RAD51B: variants seen among roughly 807,000 people sequenced by gnomAD.
RAD51B encodes the protein RAD51 paralog B.
A neutral mutation model predicts 42.2 loss-of-function variants in RAD51B; 38 were observed. The observed-to-expected ratio is 0.90, with a 90% CI of 0.70 to 1.18. RAD51B has a LOEUF of 1.18. Ranked by LOEUF, RAD51B falls within the 50% of genes most tolerant of loss-of-function variation. The pLI, the probability that RAD51B is intolerant of heterozygous loss-of-function variation, is 0.00. For synonymous variants in RAD51B, 154 were observed against 145.2 expected (o/e 1.06, Z -0.43); for missense variants, 373 against 400.7 (o/e 0.93, Z 0.59).
intron 7 of RAD51B, among the ~76,000 whole-genome samples, chr14:68,254,941 T>C (rs1282012018): frequency 3.3e-5 from 5 of 152,186 alleles, no homozygotes; most frequent in Non-Finnish European, 2.9e-5. Context: ...TCTCTAGTGC[T>C]TTGATTCTTT....
chr14:68,212,265 G>T lies in RAD51B; in HGVS notation c.757-79619G>T, dbSNP rs534234182. 8.5e-5 allele frequency among the ~76,000 whole-genome samples: 13 copies of T among 152,322 alleles called. No homozygotes were observed. The East Asian group carries it at 1.2e-3, about 14-fold the overall frequency. On this transcript the variant is annotated intron_variant, in intron 7 of 10. Transcript: ENST00000471583. ...TGGCTCTAGAATCTGATTGAACTGG[G>T]TTTGAATACTAGGTCAGCCACTTAC...
intron 7 of RAD51B, among the ~76,000 whole-genome samples, chr14:68,165,244 C>G (rs1330810064): frequency 6.6e-6 from 1 of 152,084 alleles, no homozygotes; most frequent in Non-Finnish European, 1.5e-5. Flanking sequence ...TTTAAAATCA[C>G]TTTAAAATGA....
intron 4 of RAD51B, among the ~76,000 whole-genome samples, chr14:67,863,286 G>A (rs1445190143): frequency 6.6e-6 from 1 of 151,026 alleles, no homozygotes; most frequent in Non-Finnish European, 1.5e-5. Flanking sequence ...TGTGTTTTAA[G>A]GTTGAACTTT....
intron 8 of RAD51B, among the ~76,000 whole-genome samples, chr14:68,335,311 A>G (rs1411108371): frequency 3.6e-4 from 52 of 143,344 alleles, no homozygotes; most frequent in South Asian, 9.0e-4. Flanking sequence ...AAAAAAAAAA[A>G]AAGAAAAGAA....
At position 68,502,809 on chromosome 14, in the gene RAD51B, G is replaced by C. The variant is rs564353286; in HGVS notation, c.1036+34559G>C. Among the ~76,000 whole-genome samples the C allele has an allele frequency of 1.3e-3, 195 of 152,288 alleles. 1 individual carries two copies. Among genetic ancestry groups the C allele is most frequent in the Non-Finnish European group, 2.4e-3 (161 of 68,016 alleles). On this transcript the variant is annotated intron_variant, in intron 10 of 10. Transcript: ENST00000487270. ...TCCGCTGTCCTCCCTGGGAACCTGG[G>C]AGACAAGAATCCTCATTTAGAAAAG...
At chr14:68,533,938 C>T (rs1887462961) in intron 10 of RAD51B, among the ~76,000 whole-genome samples, 1 of 151,950 alleles carries the variant, frequency 6.6e-6, no homozygotes, top group Non-Finnish European at 1.5e-5. Context: ...GGGGCAAAGG[C>T]GTGTAAGGCA....
At chr14:68,343,324 C>T (rs553903259) in intron 8 of RAD51B, among the ~76,000 whole-genome samples, 428 of 152,194 alleles carry the variant, frequency 2.8e-3, no homozygotes, top group Non-Finnish European at 4.3e-3. Flanking sequence ...GTTTTCCTTG[C>T]GGTACAGGGG....
chr14:67,926,372 G>A (rs948076195), intron 7 of RAD51B, among the ~76,000 whole-genome samples: 2 of 152,044 alleles, frequency 1.3e-5, no homozygotes, highest in African/African-American at 4.8e-5. Context: ...CTGCCAGTCT[G>A]TTTGCTAAAA....
In RAD51B at chr14:68,137,042, G is replaced by A. The variant is rs372854530; in HGVS notation, c.757-154842G>A. On this transcript the variant is annotated intron_variant, in intron 7 of 10. Coordinates refer to ENST00000471583, the MANE Select transcript of RAD51B (RefSeq NM_133510.4). ...TGTAATCCCAGCACTTTGGGAGGCC[G>A]AGGAGGGTAGATCACTTAAGGTCAG... Among the ~76,000 whole-genome samples, 55 of 151,822 alleles carry A rather than the reference G, an allele frequency of 3.6e-4. 1 individual carries two copies. The highest frequency in any genetic ancestry group is 6.3e-4 in the African/African-American group (26 of 41,366).
At chr14:68,660,579 C>T (rs1012466644) in intron 11 of RAD51B, among the ~76,000 whole-genome samples, 3 of 152,160 alleles carry the variant, frequency 2.0e-5, no homozygotes, top group Non-Finnish European at 4.4e-5. Flanking sequence ...TGGGCAGACA[C>T]GGGGTTCCAG....
chr14:68,173,453 G>C (rs1156785392), intron 7 of RAD51B, among the ~76,000 whole-genome samples: 1 of 152,174 alleles, frequency 6.6e-6, no homozygotes. Flanking sequence ...ACCTAAGTGG[G>C]GAATTAACTT....
At chr14:68,411,816 C>T (rs925190339) in intron 9 of RAD51B, among the ~76,000 whole-genome samples, 4 of 152,182 alleles carry the variant, frequency 2.6e-5, no homozygotes, top group Non-Finnish European at 5.9e-5. Flanking sequence ...AATTCTCTAT[C>T]TCTAAATGAT....
In RAD51B at chr14:68,573,209, C is replaced by A. The variant is rs115426423; in HGVS notation, c.1037-21276C>A. 7.2e-3 allele frequency among the ~76,000 whole-genome samples: 1,091 copies of A among 152,264 alleles called. 15 individuals are homozygous for A. The highest frequency in any genetic ancestry group is 0.026 in the African/African-American group (1,060 of 41,526). On this transcript the variant is annotated intron_variant, in intron 10 of 10. Coordinates refer to the RAD51B transcript ENST00000487270. ...CTCACAGCCTTCCAGCAGCTCTCAC[C>A]TCACTCATAAAAGCCAGAGGCTCAT...
chr14:68,015,027 A>G (rs955922808), intron 7 of RAD51B, among the ~76,000 whole-genome samples: 1 of 152,124 alleles, frequency 6.6e-6, no homozygotes, highest in Non-Finnish European at 1.5e-5. Context: ...ACTGGGTTTT[A>G]AACCCAGCCC....
At chr14:67,951,431 A>G (rs899598068) in intron 7 of RAD51B, among the ~76,000 whole-genome samples, 1 of 152,202 alleles carries the variant, frequency 6.6e-6, no homozygotes, top group Admixed American at 6.5e-5. Context: ...TGGTTTATTA[A>G]CCAAAATAAG....
At chr14:68,656,408 C>A (rs1327386940) in intron 11 of RAD51B, among the ~76,000 whole-genome samples, 2 of 148,918 alleles carry the variant, frequency 1.3e-5, no homozygotes, top group South Asian at 4.2e-4. Flanking sequence ...CTCTCAGATT[C>A]TTCTCCCCCT....
intron 7 of RAD51B, among the ~76,000 whole-genome samples, chr14:67,931,292 T>G (rs1415938213): frequency 1.3e-5 from 2 of 152,162 alleles, no homozygotes; most frequent in Non-Finnish European, 2.9e-5. Context: ...AGTCTATTGT[T>G]GATGCTTTTG....
intron 11 of RAD51B, among the ~76,000 whole-genome samples, chr14:68,681,428 C>T (rs1040371471): frequency 3.3e-5 from 5 of 152,134 alleles, no homozygotes; most frequent in African/African-American, 1.2e-4. Context: ...CTCCAAGCAA[C>T]GTACCATGAA....
chr14:68,024,323 T>C (rs938168655), intron 7 of RAD51B, among the ~76,000 whole-genome samples: 1 of 152,226 alleles, frequency 6.6e-6, no homozygotes. Context: ...CTATTTGGGC[T>C]CTAAAATTCT....
Sources: gnomAD v4.1 joint callset for allele counts (sites outside exome capture counted in the v4.1 genomes callset) on GRCh38, gnomAD v4.1.1 for gene constraint, MANE v1.5 for transcripts, NCBI Gene and HGNC (gene_info 2026-07-23, HGNC 2026-07-21) for gene names.